LYPLA1: variants seen among roughly 807,000 people sequenced by gnomAD.
LYPLA1 encodes the protein acyl-protein thioesterase 1.
In LYPLA1, 17 loss-of-function variants were observed where a neutral mutation model predicts 34.0. That is an observed-to-expected ratio of 0.50 (90% CI 0.34 to 0.75). The LOEUF (loss-of-function observed/expected upper bound fraction) is 0.75, where lower values mean the gene tolerates loss of function less well. Ranked by LOEUF, LYPLA1 falls within the 30% of genes least tolerant of loss-of-function variation. The pLI is 0.01. For synonymous variants in LYPLA1, 98 were observed against 100.8 expected, an observed-to-expected ratio of 0.97 and a Z score of 0.17; for missense variants, 203 against 288.8, an observed-to-expected ratio of 0.70 and a Z score of 2.15.
rs1807800047 is a variant in LYPLA1, at chr8:54,075,241, A to AGAACAACTGATTTGGTGGAGAGATCC, written c.102-9454_102-9429dup. Among the ~76,000 whole-genome samples, 6 of 152,404 alleles carry AGAACAACTGATTTGGTGGAGAGATCC rather than the reference A, an allele frequency of 3.9e-5. No homozygotes were observed. The South Asian group carries it at 1.2e-3, about 32-fold the overall frequency. On this transcript the variant is annotated intron_variant, in intron 2 of 8. Coordinates refer to ENST00000316963, the MANE Select transcript of LYPLA1 (RefSeq NM_006330.4). ...AGAAACCAGCTGCAAAGACAGAAGC[A>AGAACAACTGATTTGGTGGAGAGATCC]GAACAACTGATTTGGTGGAGAGATC...
At chr8:54,061,571 G>A (rs527752935) in intron 5 of LYPLA1, among the ~76,000 whole-genome samples, 67 of 152,242 alleles carry the variant, frequency 4.4e-4, no homozygotes, top group Non-Finnish European at 8.5e-4. Context: ...GACCAGAAAG[G>A]AAAACAAGCC....
intron 5 of LYPLA1, among the ~76,000 whole-genome samples, chr8:54,060,956 A>G (rs1470501194): frequency 2.6e-5 from 4 of 151,882 alleles, no homozygotes; most frequent in African/African-American, 9.7e-5. Context: ...CGGCCTCTCA[A>G]AGTGCTGGGG....
chr8:54,084,133 A>AAAAAAAAAAAAAATTTTTATATAT lies in LYPLA1; in HGVS notation c.101+16774_101+16775insATATATAAAAATTTTTTTTTTTTT, dbSNP rs1373090573. On this transcript the variant is annotated intron_variant, in intron 2 of 8. Transcript: ENST00000316963. ...AGCCTGGGAGACCAAAGAAAAAAAAAATAAATAAATATATATATATATATA... is the reference window on the plus strand; with the variant it reads ...AGCCTGGGAGACCAAAGAAAAAAAAAAAAAAAAAAAAAATTTTTATATATATAAATAAATATATATATATATATA... 7.5e-4 allele frequency among the ~76,000 whole-genome samples: 90 copies of AAAAAAAAAAAAAATTTTTATATAT among 120,400 alleles called. 2 individuals carry two copies. Among genetic ancestry groups the AAAAAAAAAAAAAATTTTTATATAT allele is most frequent in the African/African-American group, 3.1e-3 (66 of 21,606 alleles). 79.0% of individuals were successfully genotyped at this position (120,400 alleles called of 152,430 possible). A position where few individuals can be genotyped will look rare whatever the true frequency, so the allele number is the denominator to read the frequency against.
intron 5 of LYPLA1, among the ~76,000 whole-genome samples, chr8:54,061,639 C>T (rs1806642859): frequency 1.3e-5 from 2 of 151,950 alleles, no homozygotes; most frequent in African/African-American, 4.8e-5. Flanking sequence ...CCTGGCGGGG[C>T]ATGGTGGTGT....
intron 2 of LYPLA1, among the ~76,000 whole-genome samples, chr8:54,069,348 T>C (rs1683058491): frequency 6.6e-6 from 1 of 152,172 alleles, no homozygotes; most frequent in African/African-American, 2.4e-5. Flanking sequence ...TATCAAAATA[T>C]ATCACTCAGT....
intron 2 of LYPLA1, among the ~76,000 whole-genome samples, chr8:54,066,852 T>A (rs1398423153): frequency 2.0e-5 from 3 of 151,834 alleles, no homozygotes; most frequent in African/African-American, 7.3e-5. Flanking sequence ...TTGTCTAACA[T>A]CTCTACATGC....
In LYPLA1 at chr8:54,054,105, G is replaced by A. The variant is rs572554983; in HGVS notation, c.360+955C>T. On this transcript the variant is annotated intron_variant, in intron 6 of 8. Coordinates refer to ENST00000316963, the MANE Select transcript of LYPLA1 (RefSeq NM_006330.4). ...AAGTGATTTTCCTGCTTCAGCCTCC[G>A]GAGTAGCTGGAGTTACAGAGGCGTG... 1.4e-4 allele frequency among the ~76,000 whole-genome samples: 22 copies of A among 152,098 alleles called. No individual in the cohort carries two copies. In the South Asian group the frequency reaches 1.5e-3, roughly 10 times the overall value.
chr8:54,087,062 T>C (rs1278810481), intron 2 of LYPLA1, among the ~76,000 whole-genome samples: 1 of 152,158 alleles, frequency 6.6e-6, no homozygotes, highest in Non-Finnish European at 1.5e-5. Flanking sequence ...ATAAATGGCA[T>C]CCAGATAGGA....
intron 3 of LYPLA1, among the ~76,000 whole-genome samples, chr8:54,065,381 C>T (rs950908110): frequency 6.6e-6 from 1 of 151,754 alleles, no homozygotes; most frequent in African/African-American, 2.4e-5. Flanking sequence ...TCGCTTGAAC[C>T]CAGGAGGTGG....
chr8:54,044,517 A>C (rs1474059699), downstream of LYPLA1, among the ~76,000 whole-genome samples: 1 of 152,032 alleles, frequency 6.6e-6, no homozygotes, highest in Non-Finnish European at 1.5e-5. Flanking sequence ...GGATGATTTC[A>C]TCTCTCCCAG....
In LYPLA1 at chr8:54,055,647, T is replaced by TA. The variant is rs201091285; in HGVS notation, c.287-515_287-514insT. 4.2e-3 allele frequency among the ~76,000 whole-genome samples: 607 copies of TA among 144,854 alleles called. 3 individuals carry two copies. Among genetic ancestry groups the TA allele is most frequent in the African/African-American group, 0.014 (587 of 40,618 alleles). ...GAAATAGAAAAACAATCCTAATTAT[T>TA]TTTTTTTTTTTTTTGAGACAAAGTC... On this transcript the variant is annotated intron_variant, in intron 5 of 8. Transcript: ENST00000316963.
At chr8:54,049,232 T>G (rs543240319) in intron 8 of LYPLA1, among the ~76,000 whole-genome samples, 1 of 152,348 alleles carries the variant, frequency 6.6e-6, no homozygotes, top group African/African-American at 2.4e-5. Context: ...ACTATCTCAC[T>G]AGGAATCAAT....
chr8:54,097,256 C>T (rs563509657), intron 2 of LYPLA1, among the ~76,000 whole-genome samples: 5 of 152,174 alleles, frequency 3.3e-5, no homozygotes, highest in South Asian at 2.1e-4. Context: ...TCTACTGATG[C>T]GCGCAATGAA....
intron 2 of LYPLA1, among the ~76,000 whole-genome samples, chr8:54,083,285 C>A (rs1808447320): frequency 6.6e-6 from 1 of 152,138 alleles, no homozygotes; most frequent in African/African-American, 2.4e-5. Flanking sequence ...TAAGAACCCA[C>A]AGAAAAATCA....
chr8:54,088,456 T>C (rs561383843), intron 2 of LYPLA1, among the ~76,000 whole-genome samples: 12 of 152,260 alleles, frequency 7.9e-5, no homozygotes, highest in African/African-American at 2.9e-4. Flanking sequence ...CAATAACAAG[T>C]GTTAACGAGG....
intron 2 of LYPLA1, among the ~76,000 whole-genome samples, chr8:54,084,141 A>ATATAT (rs1554547935): frequency 8.4e-6 from 1 of 118,674 alleles, no homozygotes; most frequent in African/African-American, 4.6e-5. Context: ...AAAATAAATA[A>ATATAT]ATATATATAT....
chr8:54,073,008 G>A, intron 2 of LYPLA1: 1 of 401,364 alleles, frequency 2.5e-6, no homozygotes, highest in Non-Finnish European at 4.7e-6. Flanking sequence ...TTAATGATTA[G>A]AGAAATGCAA....
rs1563568529 is a variant in LYPLA1, at chr8:54,055,138, AAAC to A, written c.287-8_287-6del. ...CTTGATCAATCAAAGCTTTTACTAA[AAAC>A]AACATGAAAGTTAGTCAGCAATACT... On this transcript the variant is annotated splice_region_variant and splice_polypyrimidine_tract_variant and intron_variant, in intron 5 of 8. Transcript: ENST00000316963. 1.3e-6 allele frequency: 2 copies of A among 1,566,722 alleles called. No homozygotes were observed. Among genetic ancestry groups the A allele is most frequent in the Admixed American group, 1.7e-5 (1 of 59,112 alleles).
At position 54,101,889 on chromosome 8, in the gene LYPLA1, G is replaced by A. The variant is rs1810196378; in HGVS notation, c.-66C>T. 3.0e-6 allele frequency: 3 copies of A among 996,522 alleles called. No individual in the cohort carries two copies. Among genetic ancestry groups the A allele is most frequent in the East Asian group, 8.5e-5 (2 of 23,500 alleles). The allele number at this position is 996,522 out of a possible 1,614,324, so 61.7% of individuals were successfully genotyped here. A position where few individuals can be genotyped will look rare whatever the true frequency, so the allele number is the denominator to read the frequency against. On this transcript the variant is annotated 5_prime_UTR_variant, in exon 1 of 9. Coordinates refer to ENST00000316963, the MANE Select transcript of LYPLA1 (RefSeq NM_006330.4). Reference sequence around the variant, plus strand: ...GCGCCCGGCCGCGGCCCAAGGGCGTGCGAGCGGCGAGTCCCGGCCGGCCCC... The same window carrying A: ...GCGCCCGGCCGCGGCCCAAGGGCGTACGAGCGGCGAGTCCCGGCCGGCCCC...
Sources: allele counts gnomAD v4.1 joint callset (sites outside exome capture counted in the v4.1 genomes callset), GRCh38; gene constraint gnomAD v4.1.1; transcripts MANE v1.5; gene names NCBI Gene and HGNC (gene_info 2026-07-23, HGNC 2026-07-21).